Variants in SYCP2 observed in about 807,000 individuals in gnomAD.
SYCP2 encodes synaptonemal complex protein 2, also known as synaptonemal complex lateral element protein.
In SYCP2, 55 loss-of-function variants were observed where a neutral mutation model predicts 211.3. The ratio of observed to expected loss-of-function variants is 0.26; its 90% CI spans 0.21 to 0.33. SYCP2 has a LOEUF of 0.33. SYCP2 is among the 10% of genes least tolerant of loss of function. SYCP2 has a pLI of 1.00. For synonymous variants in SYCP2, 570 were observed against 555.2 expected (o/e 1.03, Z -0.37); for missense variants, 1,731 against 1,752.0 (o/e 0.99, Z 0.21).
At chr20:59,902,748 C>G (rs950179182) in intron 15 of SYCP2, among the ~76,000 whole-genome samples, 4 of 152,036 alleles carry the variant, frequency 2.6e-5, no homozygotes, top group African/African-American at 9.7e-5. Context: ...ACAGTAATGA[C>G]CTTTGAAGGT....
At chr20:59,922,526 C>T in intron 2 of SYCP2, 67 bp from the exon 3 acceptor site, 1 of 733,994 alleles carries the variant, frequency 1.4e-6, no homozygotes, top group Non-Finnish European at 2.1e-6. Flanking sequence ...GTTTAAATAT[C>T]TTACACACAT....
At chr20:59,885,986 A>T in intron 25 of SYCP2, 22 bp from the exon 26 acceptor site, 1 of 1,588,210 alleles carries the variant, frequency 6.3e-7, no homozygotes, top group Non-Finnish European at 8.6e-7. Flanking sequence ...GATTTTGTCA[A>T]AATTGAAAAA....
intron 26 of SYCP2, among the ~76,000 whole-genome samples, chr20:59,884,842 A>T (rs1345685977): frequency 6.6e-6 from 1 of 152,116 alleles, no homozygotes; most frequent in Non-Finnish European, 1.5e-5. Context: ...TTCAAAATAT[A>T]GTGAAAAAAC....
At position 59,880,551 on chromosome 20, in the gene SYCP2, A is replaced by G. The variant is rs187495753; in HGVS notation, c.2773-80T>C. ...CAAGGTAAGTTAAACCAAAACAACA[A>G]CAACAACAAAAAAAAACAAAACCCA... On this transcript the variant is annotated intron_variant, in intron 30 of 44. Coordinates refer to ENST00000357552, the MANE Select transcript of SYCP2 (RefSeq NM_014258.4). The G allele has an allele frequency of 2.7e-3, 2,150 of 789,882 alleles. 21 individuals carry two copies. Among genetic ancestry groups the G allele is most frequent in the South Asian group, 0.014 (554 of 38,742 alleles). The allele number at this position is 789,882 out of a possible 1,614,324, so 48.9% of individuals were successfully genotyped here. A position where few individuals can be genotyped will look rare whatever the true frequency, so the allele number is the denominator to read the frequency against.
chr20:59,867,263 T>A (rs781004156), intron 39 of SYCP2, among the ~76,000 whole-genome samples: 34 of 151,700 alleles, frequency 2.2e-4, no homozygotes, highest in Admixed American at 5.9e-4. Flanking sequence ...TTAAAAAGCA[T>A]TTTTGCATTA....
At position 59,895,491 on chromosome 20, in the gene SYCP2, T is replaced by C. The variant is rs368842582; in HGVS notation, c.1611A>G (p.Ala537=). The C allele has an allele frequency of 1.3e-5, 21 of 1,613,074 alleles. No homozygotes were observed. In the East Asian group the frequency reaches 1.3e-4, roughly 10 times the overall value. Reference sequence around the variant, plus strand: ...CTTCTGATGATCTAGATTTCAGTGATGCAGCATTATCCACTCTATTTTCTG... The same window carrying C: ...CTTCTGATGATCTAGATTTCAGTGACGCAGCATTATCCACTCTATTTTCTG... ...QTSENRVDNA[A]SLKSRSSEGR... The change falls in exon 20 of 45, where the codon GCA becomes GCG. Residue 537 remains alanine, a synonymous_variant. Transcript: ENST00000357552.
At chr20:59,864,734 G>A (rs2059296098) in intron 44 of SYCP2, among the ~76,000 whole-genome samples, 1 of 152,014 alleles carries the variant, frequency 6.6e-6, no homozygotes, top group Non-Finnish European at 1.5e-5. Context: ...AGCTAAACTA[G>A]CTTAGCCACA....
At chr20:59,923,652 T>A (rs796471984) in intron 2 of SYCP2, among the ~76,000 whole-genome samples, 93 of 151,936 alleles carry the variant, frequency 6.1e-4, no homozygotes, top group African/African-American at 2.2e-3. Context: ...CAGTGAGCTA[T>A]GACTACAACA....
intron 14 of SYCP2, among the ~76,000 whole-genome samples, chr20:59,911,046 C>G (rs2060313059): frequency 2.6e-5 from 4 of 152,112 alleles, no homozygotes. Context: ...AAGAAACAGA[C>G]TAAAAAGACT....
chr20:59,895,850 G>A (rs534990423), intron 19 of SYCP2, among the ~76,000 whole-genome samples: 1 of 152,004 alleles, frequency 6.6e-6, no homozygotes, highest in Non-Finnish European at 1.5e-5. Context: ...TAAGCAATTG[G>A]CCAGTAGGCA....
chr20:59,897,993 C>G (rs975733984), intron 18 of SYCP2, among the ~76,000 whole-genome samples: 2 of 151,990 alleles, frequency 1.3e-5, no homozygotes, highest in Non-Finnish European at 2.9e-5. Flanking sequence ...AATCCCAGCT[C>G]CTTGGGAATC....
intron 35 of SYCP2, among the ~76,000 whole-genome samples, chr20:59,872,836 T>C (rs2059479720): frequency 6.6e-6 from 1 of 152,082 alleles, no homozygotes; most frequent in Non-Finnish European, 1.5e-5. Context: ...ATTTAAAGTC[T>C]ATGGCCTTTA....
At chr20:59,897,188 A>G (rs2060025846) in intron 18 of SYCP2, among the ~76,000 whole-genome samples, 1 of 152,190 alleles carries the variant, frequency 6.6e-6, no homozygotes, top group Non-Finnish European at 1.5e-5. Flanking sequence ...GACATACTGC[A>G]TAGAGGCATA....
At position 59,910,374 on chromosome 20, in the gene SYCP2, A is replaced by ATTTTTTTTTTTTT. The variant is rs898302276; in HGVS notation, c.972+1363_972+1375dup. Among the ~76,000 whole-genome samples, 11 of 76,234 alleles carry ATTTTTTTTTTTTT rather than the reference A, an allele frequency of 1.4e-4. 2 individuals carry two copies. Among genetic ancestry groups the ATTTTTTTTTTTTT allele is most frequent in the African/African-American group, 5.9e-4 (10 of 16,900 alleles). 50.0% of individuals were successfully genotyped at this position (76,234 alleles called of 152,430 possible). The stretch of plus-strand genomic sequence containing the variant: ...GTATACTGCTATAGTGTAATTGCTT[A>ATTTTTTTTTTTTT]TTTTTTTTTTTTTTTTTTTTTTTTT... On this transcript the variant is annotated intron_variant, in intron 14 of 44. Coordinates refer to ENST00000357552, the MANE Select transcript of SYCP2 (RefSeq NM_014258.4).
At chr20:59,886,671 C>G in intron 25 of SYCP2, 36 bp downstream of exon 25, 14 of 1,472,260 alleles carry the variant, frequency 9.5e-6, no homozygotes, top group Non-Finnish European at 1.3e-5. Context: ...TTGTATCTGT[C>G]AGAAAAATAT....
chr20:59,881,121 C>T (rs1181937916), intron 29 of SYCP2, 98 bp from the exon 30 acceptor site: 1 of 662,578 alleles, frequency 1.5e-6, no homozygotes, highest in Non-Finnish European at 2.5e-6. Context: ...TCAGTCTTAA[C>T]TTTTTCACTA....
chr20:59,891,941 A>C, intron 24 of SYCP2, 49 bp downstream of exon 24: 1 of 1,439,386 alleles, frequency 6.9e-7, no homozygotes, highest in Non-Finnish European at 9.4e-7. Flanking sequence ...TATGTTATCA[A>C]GTAGGCATCT....
intron 2 of SYCP2, among the ~76,000 whole-genome samples, chr20:59,923,837 G>A (rs544233100): frequency 6.6e-6 from 1 of 151,990 alleles, no homozygotes; most frequent in South Asian, 2.1e-4. Context: ...CAGAGAGAGA[G>A]AGAGAAACAG....
At chr20:59,882,806 G>T (rs981499466) in intron 26 of SYCP2, among the ~76,000 whole-genome samples, 1 of 151,770 alleles carries the variant, frequency 6.6e-6, no homozygotes, top group Non-Finnish European at 1.5e-5. Flanking sequence ...GGGGAACTAA[G>T]GGATTAAAAA....
Sources: allele counts gnomAD v4.1 joint callset (sites outside exome capture counted in the v4.1 genomes callset), GRCh38; gene constraint gnomAD v4.1.1; transcripts MANE v1.5; gene names NCBI Gene and HGNC (gene_info 2026-07-23, HGNC 2026-07-21).